The following CREB5 variants were observed in gnomAD, a reference collection of about 807,000 sequenced individuals.
The protein encoded by CREB5 is cAMP responsive element binding protein 5.
A neutral mutation model predicts 57.1 loss-of-function variants in CREB5; 19 were observed. The ratio of observed to expected loss-of-function variants is 0.33; its 90% CI spans 0.23 to 0.49. CREB5 has a LOEUF of 0.49. Ranked by LOEUF, CREB5 falls within the 20% of genes least tolerant of loss-of-function variation. CREB5 has a pLI of 0.99. For synonymous variants in CREB5, 238 were observed against 238.3 expected, an observed-to-expected ratio of 1.00 and a Z score of 0.01; for missense variants, 579 against 671.6, an observed-to-expected ratio of 0.86 and a Z score of 1.52.
At chr7:28,585,013 A>G (rs922250550) in intron 5 of CREB5, among the ~76,000 whole-genome samples, 2 of 152,202 alleles carry the variant, frequency 1.3e-5, no homozygotes, top group African/African-American at 2.4e-5. Context: ...CACAGTGACT[A>G]TCTTCTATGA....
intron 5 of CREB5, among the ~76,000 whole-genome samples, chr7:28,708,414 G>A (rs1225510234): frequency 1.3e-5 from 2 of 152,122 alleles, no homozygotes; most frequent in East Asian, 1.9e-4. Flanking sequence ...TAATCCCAGC[G>A]AGTGGCTGGG....
At chr7:28,576,601 A>G (rs748875256) in intron 5 of CREB5, among the ~76,000 whole-genome samples, 17 of 152,286 alleles carry the variant, frequency 1.1e-4, no homozygotes, top group Middle Eastern at 6.8e-3. Flanking sequence ...TCATCCCCTC[A>G]TGTGTAAGAA....
chr7:28,696,117 CCCACAGTCATTA>C (rs1258304781), intron 5 of CREB5, among the ~76,000 whole-genome samples: 1 of 152,210 alleles, frequency 6.6e-6, no homozygotes, highest in Non-Finnish European at 1.5e-5. Flanking sequence ...AATTAGTCTT[CCCACAGTCATTA>C]CCCAGGTGCC....
chr7:28,323,386 G>A (rs1275437152), intron 1 of CREB5, among the ~76,000 whole-genome samples: 1 of 152,116 alleles, frequency 6.6e-6, no homozygotes, highest in Non-Finnish European at 1.5e-5. Flanking sequence ...CTTCCTCCGT[G>A]TTCCTATCTT....
At chr7:28,791,026 A>G (rs1198858128) in intron 7 of CREB5, among the ~76,000 whole-genome samples, 1 of 152,210 alleles carries the variant, frequency 6.6e-6, no homozygotes, top group Non-Finnish European at 1.5e-5. Flanking sequence ...ACCGTATAGG[A>G]TACAATTCCT....
intron 1 of CREB5, among the ~76,000 whole-genome samples, chr7:28,314,174 T>C (rs988007783): frequency 6.6e-6 from 1 of 152,208 alleles, no homozygotes; most frequent in Non-Finnish European, 1.5e-5. Flanking sequence ...CTTGTAGCTA[T>C]GTGAAGAAAG....
Position 28,301,822 on chromosome 7 carries a change from G to A in CREB5, c.-25+2381G>A, listed in dbSNP as rs74845436. ...GGCATATTCATGTGACTGAGTTCCC[G>A]GGGTTACTAATGTGACAGAAACAAT... On this transcript the variant is annotated intron_variant, in intron 1 of 9. Coordinates refer to the CREB5 transcript ENST00000396299. 1.6e-4 allele frequency among the ~76,000 whole-genome samples: 24 copies of A among 152,274 alleles called. No homozygotes were observed. In the East Asian group the frequency reaches 3.1e-3, roughly 20 times the overall value.
chr7:28,794,037 A>G (rs1343224772), intron 7 of CREB5, among the ~76,000 whole-genome samples: 2 of 152,222 alleles, frequency 1.3e-5, no homozygotes, highest in African/African-American at 2.4e-5. Flanking sequence ...TGTGCAATTA[A>G]AATCCCAAAG....
At chr7:28,705,778 G>A (rs971492467) in intron 5 of CREB5, among the ~76,000 whole-genome samples, 1 of 152,222 alleles carries the variant, frequency 6.6e-6, no homozygotes, top group African/African-American at 2.4e-5. Flanking sequence ...GGCCACCAGG[G>A]AAGAGAAAAG....
intron 7 of CREB5, among the ~76,000 whole-genome samples, chr7:28,756,094 T>C (rs1174737533): frequency 6.6e-6 from 1 of 152,190 alleles, no homozygotes; most frequent in African/African-American, 2.4e-5. Context: ...CACTATTGTA[T>C]GCAAACCCTC....
At chr7:28,408,743 T>TG (rs1787645862), upstream of CREB5, among the ~76,000 whole-genome samples, 1 of 151,988 alleles carries the variant, frequency 6.6e-6, no homozygotes, top group African/African-American at 2.4e-5. Context: ...CATAAGGAAG[T>TG]TATTCTCCTG....
At chr7:28,357,919 A>G (rs1016428640) in intron 1 of CREB5, among the ~76,000 whole-genome samples, 5 of 152,070 alleles carry the variant, frequency 3.3e-5, no homozygotes, top group African/African-American at 1.2e-4. Flanking sequence ...GGGTGGTGTA[A>G]GGTGGGTGGG....
At chr7:28,740,962 T>C (rs904332301) in intron 7 of CREB5, among the ~76,000 whole-genome samples, 1 of 151,612 alleles carries the variant, frequency 6.6e-6, no homozygotes, top group African/African-American at 2.4e-5. Context: ...TCAGGACCAA[T>C]AATACATTAT....
intron 4 of CREB5, among the ~76,000 whole-genome samples, chr7:28,527,545 A>G (rs560782274): frequency 6.6e-6 from 1 of 152,326 alleles, no homozygotes; most frequent in Non-Finnish European, 1.5e-5. Flanking sequence ...AGCCAGGTGC[A>G]GTGGTTCTTG....
At chr7:28,795,867 C>T (rs1186300170) in intron 7 of CREB5, among the ~76,000 whole-genome samples, 1 of 151,738 alleles carries the variant, frequency 6.6e-6, no homozygotes, top group African/African-American at 2.4e-5. Context: ...AATTCTCCTG[C>T]CTCAGCCTCC....
intron 7 of CREB5, among the ~76,000 whole-genome samples, chr7:28,767,470 T>G (rs1490310000): frequency 1.3e-5 from 2 of 152,224 alleles, no homozygotes; most frequent in Non-Finnish European, 2.9e-5. Context: ...AAACCTGAGT[T>G]TATTTTGAAC....
In CREB5 at chr7:28,824,623, G is replaced by A. The variant is rs956497037; in HGVS notation, c.*5344G>A. The A allele has an allele frequency of 1.3e-5, 2 of 152,518 alleles. No homozygotes were observed. Among genetic ancestry groups the A allele is most frequent in the Non-Finnish European group, 2.9e-5 (2 of 67,996 alleles). The allele number at this position is 152,518 out of a possible 1,614,324, so 9.4% of individuals were successfully genotyped here. On this transcript the variant is annotated 3_prime_UTR_variant, in exon 11 of 11. Coordinates refer to ENST00000357727, the MANE Select transcript of CREB5 (RefSeq NM_182898.4). ...AGAAATTTAAAAAACAAAAAACCTA[G>A]CTCATCATGTTGTGAAAATGAAAAA...
chr7:28,566,748 T>C (rs1298478044), intron 4 of CREB5, among the ~76,000 whole-genome samples: 6 of 152,232 alleles, frequency 3.9e-5, no homozygotes, highest in African/African-American at 1.4e-4. Context: ...TTGAAATTAC[T>C]CTCTGGGTTT....
Position 28,348,420 on chromosome 7 carries a change from A to T in CREB5, c.-25+48979A>T, listed in dbSNP as rs866116859. On this transcript the variant is annotated intron_variant, in intron 1 of 9. Transcript: ENST00000396299. ...CTGTCTCTCTCTCTCACACACACAC[A>T]CACACACACACACACACACACACAG... Among the ~76,000 whole-genome samples, 532 of 150,612 alleles carry T rather than the reference A, an allele frequency of 3.5e-3. 1 individual carries two copies. The highest frequency in any genetic ancestry group is 0.014 in the Middle Eastern group (4 of 292).
Sources: gnomAD v4.1 joint callset for allele counts (sites outside exome capture counted in the v4.1 genomes callset) on GRCh38, gnomAD v4.1.1 for gene constraint, MANE v1.5 for transcripts, NCBI Gene and HGNC (gene_info 2026-07-23, HGNC 2026-07-21) for gene names.